Variants in PHKA2 observed in about 807,000 individuals in gnomAD.
PHKA2 encodes phosphorylase kinase regulatory subunit alpha 2.
Under a neutral mutation model 102.0 loss-of-function variants are expected in PHKA2, and 31 were observed. The observed-to-expected ratio is 0.30, with a 90% CI of 0.23 to 0.41. The LOEUF (loss-of-function observed/expected upper bound fraction) is 0.41. PHKA2 is among the 10% of genes least tolerant of loss of function. The probability of loss-of-function intolerance (pLI) is 1.00; values close to 1 mark genes in which losing one functional copy is unlikely to be tolerated. For missense variants in PHKA2, 858 were observed against 1,023.1 expected, an observed-to-expected ratio of 0.84 and a Z score of 2.20; for synonymous variants, 455 against 416.2, an observed-to-expected ratio of 1.09 and a Z score of -1.13.
intron 1 of PHKA2, among the ~76,000 whole-genome samples, chrX:18,981,794 T>G (rs750856334): frequency 1.3e-4 from 14 of 111,079 alleles, no homozygotes; most frequent in Admixed American, 7.6e-4. Context: ...GCACCCATTA[T>G]TTACTGTTGC....
At chrX:18,957,586 C>A (rs759354005) in intron 1 of PHKA2, among the ~76,000 whole-genome samples, 2 of 110,458 alleles carry the variant, frequency 1.8e-5, no homozygotes, top group African/African-American at 6.6e-5. Context: ...TGTAGAAATA[C>A]GTAACCATAA....
intron 1 of PHKA2, among the ~76,000 whole-genome samples, chrX:18,963,429 C>G (rs1190053438): frequency 8.9e-6 from 1 of 112,220 alleles, no homozygotes; most frequent in Non-Finnish European, 1.9e-5. Context: ...CTGGGACAAC[C>G]CTACCAGAGA....
At chrX:18,962,483 A>G (rs2048884176) in intron 1 of PHKA2, among the ~76,000 whole-genome samples, 1 of 111,504 alleles carries the variant, frequency 9.0e-6, no homozygotes, top group South Asian at 3.8e-4. Flanking sequence ...CCCTTTACAC[A>G]TACACCCCCA....
At chrX:18,916,442 C>T (rs1467362616) in intron 19 of PHKA2, among the ~76,000 whole-genome samples, 1 of 111,889 alleles carries the variant, frequency 8.9e-6, no homozygotes, top group Non-Finnish European at 1.9e-5. Context: ...CTCAAACAAT[C>T]AGAATGGGTT....
chrX:18,939,555 G>A (rs750409372), intron 9 of PHKA2, among the ~76,000 whole-genome samples: 98 of 111,708 alleles, frequency 8.8e-4, no homozygotes, highest in Middle Eastern at 4.6e-3. Context: ...GTGCAGTGGC[G>A]CGATTTCGGC....
At chrX:18,911,172 ATTT>A (rs201671901) in intron 19 of PHKA2, among the ~76,000 whole-genome samples, 5 of 96,735 alleles carry the variant, frequency 5.2e-5, no homozygotes, top group Admixed American at 1.1e-4. Context: ...CGCCCAGCTA[ATTT>A]TTTTTTTTTT....
At position 18,958,626 on chromosome X, in the gene PHKA2, A is replaced by C. The variant is rs192710834; in HGVS notation, c.79-4214T>G. 6.6e-3 allele frequency among the ~76,000 whole-genome samples: 682 copies of C among 103,076 alleles called. 6 individuals carry two copies. Among genetic ancestry groups the C allele is most frequent in the African/African-American group, 0.023 (631 of 27,686 alleles). 89.5% of individuals were successfully genotyped at this position (103,076 alleles called of 115,157 possible). On this transcript the variant is annotated intron_variant, in intron 1 of 32. Coordinates refer to ENST00000379942, the MANE Select transcript of PHKA2 (RefSeq NM_000292.3). The stretch of plus-strand genomic sequence containing the variant: ...TCCCTGACTACCAGTGAATTTAACC[A>C]TCCAGTCATTCTTGTCTGGGAGGGA...
intron 14 of PHKA2, among the ~76,000 whole-genome samples, chrX:18,926,082 C>T (rs966685389): frequency 2.7e-5 from 3 of 112,495 alleles, no homozygotes; most frequent in Non-Finnish European, 5.6e-5. Flanking sequence ...TAAACAAAGT[C>T]AGATTGTAGA....
chrX:18,959,729 A>G (rs1439100738), intron 1 of PHKA2, among the ~76,000 whole-genome samples: 1 of 111,498 alleles, frequency 9.0e-6, no homozygotes. Context: ...CACCTATATC[A>G]GGTGACCTGA....
At chrX:18,894,886 G>T (rs1046194841) in intron 31 of PHKA2, 21 of 433,427 alleles carry the variant, frequency 4.8e-5, no homozygotes, top group Non-Finnish European at 8.5e-5. Flanking sequence ...GTTCTAAGGG[G>T]TGTCTGGCAA....
intron 19 of PHKA2, 50 bp from the exon 20 acceptor site, chrX:18,911,010 CTTT>C (rs11291764): frequency 3.9e-4 from 216 of 550,813 alleles, no homozygotes; most frequent in East Asian, 5.6e-4. Flanking sequence ...AAGAACAACA[CTTT>C]TTTTTTTTTT....
At chrX:18,912,961 C>T (rs2047952080) in intron 19 of PHKA2, among the ~76,000 whole-genome samples, 2 of 110,443 alleles carry the variant, frequency 1.8e-5, no homozygotes, top group South Asian at 7.8e-4. Context: ...TGCCTGTAGT[C>T]CCAGCTACTG....
At chrX:18,906,119 A>C (rs1299929687) in intron 25 of PHKA2, among the ~76,000 whole-genome samples, 1 of 112,307 alleles carries the variant, frequency 8.9e-6, no homozygotes, top group Non-Finnish European at 1.9e-5. Flanking sequence ...TGGATGTCTC[A>C]TGATGGATTT....
intron 13 of PHKA2, 61 bp downstream of exon 13, chrX:18,929,167 T>C (rs1415065463): frequency 1.4e-5 from 11 of 805,479 alleles, no homozygotes; most frequent in African/African-American, 2.1e-5. Context: ...AGGCAACAAT[T>C]TGAATTAAAA....
chrX:18,975,316 G>T (rs1569339774), intron 1 of PHKA2, among the ~76,000 whole-genome samples: 1 of 111,383 alleles, frequency 9.0e-6, no homozygotes, highest in Admixed American at 9.6e-5. Context: ...GGTATAAAAA[G>T]GGGAGTTTTC....
At chrX:18,950,866 T>C (rs1383499581) in intron 4 of PHKA2, among the ~76,000 whole-genome samples, 1 of 112,402 alleles carries the variant, frequency 8.9e-6, no homozygotes, top group Non-Finnish European at 1.9e-5. Flanking sequence ...TCCTCCTCTT[T>C]GGAGGATGGA....
Position 18,954,394 on chromosome X carries a change from G to A in PHKA2, c.97C>T (p.Leu33=). ...TCCTTCTGCTCATGGCTGGCTGACA[G>A]CAGCCCCGTGACGGGATTCTATTAG... ...LCYQNPVTGL[L]SASHEQKDAW... is the part of the protein sequence containing the mutation. Residue 33 remains leucine (L), a synonymous_variant, in exon 2 of 33, where the codon CTG becomes TTG. Coordinates refer to ENST00000379942, the MANE Select transcript of PHKA2 (RefSeq NM_000292.3). 2 of 1,210,939 alleles carry A rather than the reference G, an allele frequency of 1.7e-6. No individual in the cohort carries two copies. Among genetic ancestry groups the A allele is most frequent in the Non-Finnish European group, 2.2e-6 (2 of 895,032 alleles).
intron 1 of PHKA2, among the ~76,000 whole-genome samples, chrX:18,957,673 A>G (rs2048800991): frequency 9.3e-6 from 1 of 107,242 alleles, no homozygotes; most frequent in African/African-American, 3.5e-5. Context: ...TCATGTCAGC[A>G]ATTCCACACA....
At chrX:18,954,174 C>T (rs1473600591) in intron 2 of PHKA2, 80 bp downstream of exon 2, 1 of 1,041,959 alleles carries the variant, frequency 9.6e-7, no homozygotes, top group Non-Finnish European at 1.3e-6. Flanking sequence ...GTTCTGCACA[C>T]ACAGCTACTT....
Sources: allele counts gnomAD v4.1 joint callset (sites outside exome capture counted in the v4.1 genomes callset), GRCh38; gene constraint gnomAD v4.1.1; transcripts MANE v1.5; gene names NCBI Gene and HGNC (gene_info 2026-07-23, HGNC 2026-07-21).